WDR27: variants seen among roughly 807,000 people sequenced by gnomAD.
The protein encoded by WDR27 is WD repeat domain 27, also known as WD repeat-containing protein 27.
WDR27 carries 100 observed loss-of-function variants against 114.4 expected under a neutral mutation model. That is an observed-to-expected ratio of 0.87 (90% confidence interval 0.74 to 1.03). WDR27 has a LOEUF of 1.03. WDR27 is among the 50% of genes least tolerant of loss of function. WDR27 has a pLI of 0.00. For synonymous variants in WDR27, 449 were observed against 423.1 expected (o/e 1.06, Z -0.75); for missense variants, 1,129 against 1,092.9 (o/e 1.03, Z -0.47).
intron 7 of WDR27, 163 bp downstream of exon 7, chr6:169,665,323 A>G (rs1188950289): frequency 4.0e-5 from 56 of 1,402,910 alleles, no homozygotes; most frequent in South Asian, 3.2e-5. Context: ...TTGAACCCAC[A>G]GTGACGCTGA....
intron 25 of WDR27, among the ~76,000 whole-genome samples, chr6:169,525,393 G>A (rs540378681): frequency 1.0e-3 from 153 of 151,708 alleles, no homozygotes; most frequent in African/African-American, 3.0e-3. Context: ...AAAATTAGCC[G>A]GGCGTGGTGG....
chr6:169,599,725 T>C lies in WDR27; in HGVS notation c.2424+2494A>G, dbSNP rs552900874. On this transcript the variant is annotated intron_variant, in intron 23 of 25. Coordinates refer to ENST00000448612, the MANE Select transcript of WDR27 (RefSeq NM_182552.5). The stretch of plus-strand genomic sequence containing the variant: ...TCAAAAAACCGGCTCCTGGATTCAC[T>C]GATTTTTTGAAGGGTTTTTTGTGTC... Among the ~76,000 whole-genome samples the C allele has an allele frequency of 1.6e-4, 24 of 152,330 alleles. No homozygotes were observed. The South Asian group carries it at 4.6e-3, about 29-fold the overall frequency.
At chr6:169,597,080 T>C (rs1439767392) in intron 23 of WDR27, among the ~76,000 whole-genome samples, 1 of 152,208 alleles carries the variant, frequency 6.6e-6, no homozygotes, top group Non-Finnish European at 1.5e-5. Context: ...CAAAGTCTAC[T>C]TTACACTAAA....
In WDR27 at chr6:169,572,797, G is replaced by C. The variant is rs78237178; in HGVS notation, c.2524-257C>G. Among the ~76,000 whole-genome samples, 1,478 of 152,224 alleles carry C rather than the reference G, an allele frequency of 9.7e-3. 71 individuals carry two copies. The highest frequency in any genetic ancestry group is 0.085 in the Admixed American group (1,292 of 15,288). ...TTTATTTTTCTCAGTAATACTACTT[G>C]TTGAGAAAGTAATCTATCTTGAGAA... On this transcript the variant is annotated intron_variant, in intron 24 of 25. Coordinates refer to ENST00000448612, the MANE Select transcript of WDR27 (RefSeq NM_182552.5).
chr6:169,542,931 G>C (rs780008459), intron 25 of WDR27, among the ~76,000 whole-genome samples: 15 of 152,094 alleles, frequency 9.9e-5, no homozygotes, highest in Non-Finnish European at 1.5e-4. Flanking sequence ...CAAGATAAAA[G>C]TTATTATTGA....
At chr6:169,642,778 C>G (rs79897010) in intron 17 of WDR27, among the ~76,000 whole-genome samples, 8,006 of 152,336 alleles carry the variant, frequency 0.053, 311 homozygotes, top group East Asian at 0.095. Context: ...TTCCCACTGT[C>G]TCTGTCCCCA....
chr6:169,577,447 G>A (rs1802579761), intron 24 of WDR27, among the ~76,000 whole-genome samples: 2 of 152,218 alleles, frequency 1.3e-5, no homozygotes, highest in Admixed American at 6.5e-5. Flanking sequence ...GCCTGGAGAC[G>A]GGGAGATGGT....
At chr6:169,635,715 C>T (rs558005283) in intron 19 of WDR27, among the ~76,000 whole-genome samples, 90 of 152,194 alleles carry the variant, frequency 5.9e-4, no homozygotes, top group African/African-American at 1.8e-3. Flanking sequence ...GGGCACCTGC[C>T]CCAATTAACA....
chr6:169,531,999 G>T (rs1264892069), intron 25 of WDR27, among the ~76,000 whole-genome samples: 1 of 152,058 alleles, frequency 6.6e-6, no homozygotes, highest in East Asian at 1.9e-4. Flanking sequence ...AGGTTCTATT[G>T]TAATTTTCTT....
chr6:169,517,917 G>A (rs1316972304), intron 25 of WDR27, among the ~76,000 whole-genome samples: 2 of 152,216 alleles, frequency 1.3e-5, no homozygotes, highest in African/African-American at 2.4e-5. Context: ...TGCTTATGAT[G>A]TGTCTAGGTA....
intron 2 of WDR27, among the ~76,000 whole-genome samples, chr6:169,673,608 A>T (rs1371737485): frequency 6.6e-6 from 1 of 151,968 alleles, no homozygotes; most frequent in East Asian, 1.9e-4. Context: ...AAAGATATCT[A>T]CTATAAAGAC....
At chr6:169,477,690 TG>T in intron 25 of WDR27, among the ~76,000 whole-genome samples, 1 of 152,352 alleles carries the variant, frequency 6.6e-6, no homozygotes, top group East Asian at 1.9e-4. Context: ...CCACCCACCT[TG>T]GCCTCACTAT....
At chr6:169,467,924 T>C (rs141714173) in intron 25 of WDR27, among the ~76,000 whole-genome samples, 1 of 152,360 alleles carries the variant, frequency 6.6e-6, no homozygotes, top group East Asian at 1.9e-4. Flanking sequence ...TTCCAAACCA[T>C]ATCTTTGTGA....
At chr6:169,582,051 G>A (rs1270155346) in intron 24 of WDR27, among the ~76,000 whole-genome samples, 1 of 152,158 alleles carries the variant, frequency 6.6e-6, no homozygotes, top group Non-Finnish European at 1.5e-5. Flanking sequence ...TCGACTCACT[G>A]CAACCGCCGC....
At chr6:169,443,396 C>T in the WDR27 span, among the ~76,000 whole-genome samples, 25 of 150,388 alleles carry the variant, frequency 1.7e-4, no homozygotes, top group African/African-American at 5.7e-4. Context: ...GGCATGTTTT[C>T]TAATCTATTT....
intron 25 of WDR27, among the ~76,000 whole-genome samples, chr6:169,529,314 G>T (rs1489724770): frequency 3.7e-5 from 2 of 54,226 alleles, no homozygotes; most frequent in African/African-American, 6.6e-4. Flanking sequence ...GACCTCTGCG[G>T]GGGGGGGGGG....
chr6:169,561,700 T>C (rs547424319), intron 25 of WDR27, among the ~76,000 whole-genome samples: 2 of 152,148 alleles, frequency 1.3e-5, no homozygotes, highest in South Asian at 2.1e-4. Context: ...AAGACAGAGT[T>C]TGAAACATAA....
chr6:169,475,116 C>T (rs1002670474), intron 25 of WDR27, among the ~76,000 whole-genome samples: 1 of 152,224 alleles, frequency 6.6e-6, no homozygotes, highest in Non-Finnish European at 1.5e-5. Flanking sequence ...TCTGTAACTA[C>T]ATTACATTTT....
intron 25 of WDR27, among the ~76,000 whole-genome samples, chr6:169,480,972 G>C (rs1787962770): frequency 6.6e-6 from 1 of 151,908 alleles, no homozygotes; most frequent in Non-Finnish European, 1.5e-5. Flanking sequence ...TCAGCACTCT[G>C]TGTCTAGCTC....
Sources: gnomAD v4.1 joint callset for allele counts (sites outside exome capture counted in the v4.1 genomes callset) on GRCh38, gnomAD v4.1.1 for gene constraint, MANE v1.5 for transcripts, NCBI Gene and HGNC (gene_info 2026-07-23, HGNC 2026-07-21) for gene names.